The following AFF3 variants were observed in gnomAD, a reference collection of about 807,000 sequenced individuals.
AFF3 encodes the protein ALF transcription elongation factor 3.
AFF3 carries 32 observed loss-of-function variants against 129.7 expected under a neutral mutation model. The observed-to-expected ratio is 0.25, with a 90% CI of 0.19 to 0.33. The LOEUF is 0.33. Among genes scored for constraint, AFF3 ranks in the 10% least tolerant of loss-of-function variants. The pLI is 1.00. For synonymous variants in AFF3, 644 were observed against 635.4 expected, an observed-to-expected ratio of 1.01 and a Z score of -0.20; for missense variants, 1,373 against 1,592.0, an observed-to-expected ratio of 0.86 and a Z score of 2.34.
chr2:99,585,101 A>C (rs1677961833), intron 16 of AFF3, among the ~76,000 whole-genome samples: 1 of 152,238 alleles, frequency 6.6e-6, no homozygotes, highest in Non-Finnish European at 1.5e-5. Flanking sequence ...GTGATGGCTA[A>C]GATGCTGATG....
At chr2:99,961,304 A>G (rs767987127) in intron 7 of AFF3, among the ~76,000 whole-genome samples, 6 of 152,164 alleles carry the variant, frequency 3.9e-5, no homozygotes, top group Non-Finnish European at 7.3e-5. Flanking sequence ...TGAAGATCAT[A>G]TACTTTGGGC....
chr2:99,552,166 G>A (rs746698539), intron 24 of AFF3, among the ~76,000 whole-genome samples: 2 of 152,160 alleles, frequency 1.3e-5, no homozygotes, highest in Non-Finnish European at 2.9e-5. Flanking sequence ...CGGGTAGAAC[G>A]CTTGAGGTCA....
At chr2:99,587,817 C>T (rs1043176689) in intron 15 of AFF3, among the ~76,000 whole-genome samples, 1 of 152,074 alleles carries the variant, frequency 6.6e-6, no homozygotes. Context: ...CAACACCATC[C>T]TGGCCAACAT....
At chr2:99,714,061 C>T (rs891412502) in intron 11 of AFF3, among the ~76,000 whole-genome samples, 1 of 152,124 alleles carries the variant, frequency 6.6e-6, no homozygotes, top group African/African-American at 2.4e-5. Flanking sequence ...CTTCCAATGT[C>T]GTGCCAGAAC....
At chr2:99,819,446 TCA>T (rs1426864487) in intron 8 of AFF3, among the ~76,000 whole-genome samples, 1 of 152,256 alleles carries the variant, frequency 6.6e-6, no homozygotes. Flanking sequence ...CTGGAAATAT[TCA>T]GTTATTTTAA....
At chr2:99,830,537 A>C (rs776868856) in intron 8 of AFF3, among the ~76,000 whole-genome samples, 30 of 152,150 alleles carry the variant, frequency 2.0e-4, no homozygotes, top group Non-Finnish European at 3.4e-4. Context: ...GGATCATGTG[A>C]GGTCAGGAGT....
At chr2:99,607,720 C>G (rs1033853632) in intron 13 of AFF3, among the ~76,000 whole-genome samples, 1 of 152,194 alleles carries the variant, frequency 6.6e-6, no homozygotes, top group African/African-American at 2.4e-5. Context: ...CTGTGGTGCC[C>G]ACATCGCACC....
At position 99,667,774 on chromosome 2, in the gene AFF3, G is replaced by GAACAGT. The variant is rs148389514; in HGVS notation, c.1143+4758_1143+4763dup. On this transcript the variant is annotated intron_variant, in intron 12 of 24. Transcript: ENST00000672756. ...TGACACGGATAGACTTATTACTGAA[G>GAACAGT]AACAGTGTACCACTTATACCCAGTA... is the stretch of plus-strand genomic sequence containing the variant. Among the ~76,000 whole-genome samples, 128 of 152,190 alleles carry GAACAGT rather than the reference G, an allele frequency of 8.4e-4. No individual in the cohort carries two copies. In the East Asian group the frequency reaches 0.022, roughly 26 times the overall value.
intron 13 of AFF3, among the ~76,000 whole-genome samples, chr2:99,644,410 G>A (rs1037142255): frequency 1.3e-5 from 2 of 151,976 alleles, no homozygotes; most frequent in African/African-American, 4.8e-5. Context: ...CTAGCTGAAC[G>A]TGATTTATTC....
intron 4 of AFF3, among the ~76,000 whole-genome samples, chr2:100,037,004 T>G (rs1006261680): frequency 3.3e-5 from 5 of 152,122 alleles, no homozygotes; most frequent in Non-Finnish European, 5.9e-5. Context: ...GTAAAATCCT[T>G]CTGGAGGGAA....
intron 7 of AFF3, among the ~76,000 whole-genome samples, chr2:99,918,328 G>T (rs558925451): frequency 6.6e-6 from 1 of 152,182 alleles, no homozygotes; most frequent in Admixed American, 6.5e-5. Context: ...TATATCTTGG[G>T]CCATTTAGAA....
chr2:99,762,961 A>G (rs1682737522), intron 8 of AFF3, among the ~76,000 whole-genome samples: 1 of 152,238 alleles, frequency 6.6e-6, no homozygotes, highest in Admixed American at 6.5e-5. Context: ...CTCTTATCAG[A>G]TAAGTGCTGC....
intron 16 of AFF3, among the ~76,000 whole-genome samples, chr2:99,584,422 T>C (rs747744122): frequency 2.6e-5 from 4 of 152,118 alleles, no homozygotes; most frequent in Non-Finnish European, 5.9e-5. Flanking sequence ...TGAGGCGAGA[T>C]TGCGCCACTG....
At chr2:99,722,375 TTGA>T (rs1270016857) in intron 11 of AFF3, among the ~76,000 whole-genome samples, 6 of 152,224 alleles carry the variant, frequency 3.9e-5, no homozygotes, top group Admixed American at 6.5e-5. Context: ...TTAAACAATG[TTGA>T]TTGTTTTTTG....
At chr2:99,555,395 T>C (rs1674814834) in intron 22 of AFF3, among the ~76,000 whole-genome samples, 1 of 152,248 alleles carries the variant, frequency 6.6e-6, no homozygotes, top group Non-Finnish European at 1.5e-5. Context: ...CTTAGGAAGT[T>C]TAAAAGTATT....
intron 4 of AFF3, among the ~76,000 whole-genome samples, chr2:100,054,885 TACCCCAGGTG>T (rs1686637638): frequency 6.6e-6 from 1 of 152,166 alleles, no homozygotes; most frequent in Non-Finnish European, 1.5e-5. Flanking sequence ...TGGGAAGCAC[TACCCCAGGTG>T]ACTCCAAAGC....
intron 18 of AFF3, among the ~76,000 whole-genome samples, chr2:99,573,713 GT>G (rs1559492704): frequency 6.6e-6 from 1 of 152,170 alleles, no homozygotes. Context: ...AGCGCCTGGC[GT>G]CTATAGTCAG....
chr2:99,907,814 A>G (rs1244355115), intron 7 of AFF3, among the ~76,000 whole-genome samples: 1 of 151,998 alleles, frequency 6.6e-6, no homozygotes, highest in African/African-American at 2.4e-5. Context: ...TCTTAATATA[A>G]AACAAATACT....
At chr2:99,582,242 G>A (rs1312906066) in intron 17 of AFF3, among the ~76,000 whole-genome samples, 1 of 152,150 alleles carries the variant, frequency 6.6e-6, no homozygotes, top group Non-Finnish European at 1.5e-5. Context: ...TAAGCAACTG[G>A]CCCAAGATCA....
Sources: allele counts gnomAD v4.1 joint callset (sites outside exome capture counted in the v4.1 genomes callset), GRCh38; gene constraint gnomAD v4.1.1; transcripts MANE v1.5; gene names NCBI Gene and HGNC (gene_info 2026-07-23, HGNC 2026-07-21).